The following URGCP variants were observed in gnomAD, a reference collection of about 807,000 sequenced individuals.
The protein encoded by URGCP is up-regulator of cell proliferation.
URGCP carries 13 observed loss-of-function variants against 24.6 expected under a neutral mutation model. The observed-to-expected ratio is 0.53, with a 90% CI of 0.34 to 0.84. The LOEUF (loss-of-function observed/expected upper bound fraction) is 0.84, where lower values mean the gene tolerates loss of function less well. Ranked by LOEUF, URGCP falls within the 40% of genes least tolerant of loss-of-function variation. The pLI is 0.01. For missense variants in URGCP, 899 were observed against 1,194.3 expected, an observed-to-expected ratio of 0.75 and a Z score of 3.64; for synonymous variants, 444 against 487.2, an observed-to-expected ratio of 0.91 and a Z score of 1.17.
chr7:43,877,311 C>T lies in URGCP; in HGVS notation c.2152G>A (p.Ala718Thr). ...CGAGGACCGCAGCTCTTCCCTGTGG[C>T]AAACCGCAGCCCAAACATGGTGTTG... ...LLNTMFGLRF[A>T]TGKSCGPRGA... Residue 718 changes from alanine (A) to threonine (T), a missense_variant, in exon 6 of 6, where the codon GCC (alanine) becomes ACC (threonine). Ala to Thr is a moderately conservative substitution (Grantham distance 58). Coordinates refer to ENST00000453200, the MANE Select transcript of URGCP (RefSeq NM_001077663.3). The T allele has an allele frequency of 6.2e-7, 1 of 1,613,144 alleles. No individual in the cohort carries two copies. The highest frequency in any genetic ancestry group is 8.5e-7 in the Non-Finnish European group (1 of 1,180,038).
In URGCP at chr7:43,925,997, T is replaced by C. The variant is rs375948471; in HGVS notation, c.-116+135A>G. The C allele has an allele frequency of 3.3e-5, 5 of 152,030 alleles. No individual in the cohort carries two copies. In the South Asian group the frequency reaches 1.0e-3, roughly 31 times the overall value. 9.4% of individuals were successfully genotyped at this position (152,030 alleles called of 1,614,324 possible). A position where few individuals can be genotyped will look rare whatever the true frequency, so the allele number is the denominator to read the frequency against. ...GGTTCTCAATGTTGGCAGTGCAAGA[T>C]CACGTGAGGTACGACTGAACACGGA... On this transcript the variant is annotated intron_variant, in intron 1 of 5. Coordinates refer to the URGCP transcript ENST00000426198.
At chr7:43,883,364 T>A (rs60611957) in intron 3 of URGCP, among the ~76,000 whole-genome samples, 11,843 of 87,668 alleles carry the variant, frequency 0.14, 411 homozygotes, top group South Asian at 0.22. Context: ...ATATATATAT[T>A]TTTTTTTTTT....
intron 2 of URGCP, 86 bp downstream of exon 2, chr7:43,887,704 A>G: frequency 6.6e-7 from 1 of 1,521,928 alleles, no homozygotes; most frequent in Non-Finnish European, 8.8e-7. Flanking sequence ...CAGTTGAGAA[A>G]CACTGGTCTA....
exon 1 of URGCP, chr7:43,926,385 G>A (rs899022232): frequency 6.2e-5 from 34 of 547,708 alleles, no homozygotes; most frequent in Non-Finnish European, 8.7e-5. Context: ...CAGGACGCTC[G>A]GCACGCGGCG....
At chr7:43,881,153 T>C in intron 5 of URGCP, 1 of 700,236 alleles carries the variant, frequency 1.4e-6, no homozygotes, top group Non-Finnish European at 2.6e-6. Context: ...AGACATGGAA[T>C]AACTTTTTAT....
Position 43,877,833 on chromosome 7 carries a change from G to C in URGCP, c.1630C>G (p.Pro544Ala). 6.2e-7 allele frequency: 1 copy of C among 1,610,222 alleles called. No homozygotes were observed. The highest frequency in any genetic ancestry group is 8.5e-7 in the Non-Finnish European group (1 of 1,178,070). ...ATGAACTCCTGCACCCCCGAGGAGG[G>C]ATCATGGCCGTTCTGCTGCATTCGA... The part of the protein sequence containing the change: ...ELRMQQNGHD[P>A]SSGVQEFISG... Residue 544 changes from proline to alanine, a missense_variant, in exon 6 of 6, where the codon CCC (proline) becomes GCC (alanine). Coordinates refer to ENST00000453200, the MANE Select transcript of URGCP (RefSeq NM_001077663.3).
intron 5 of URGCP, among the ~76,000 whole-genome samples, 181 bp downstream of exon 5, chr7:43,881,474 GTTTT>G (rs751531869): frequency 2.3e-4 from 29 of 127,306 alleles, no homozygotes; most frequent in African/African-American, 8.6e-4. Context: ...GCTTCCCAGG[GTTTT>G]TTTTTTTTTT....
upstream of URGCP, among the ~76,000 whole-genome samples, chr7:43,911,153 C>T (rs1298183273): frequency 2.0e-5 from 3 of 152,178 alleles, no homozygotes; most frequent in African/African-American, 4.8e-5. Context: ...GTAATCCCAG[C>T]ACTTTGTGAA....
chr7:43,926,513 G>A (rs2132740835), upstream of URGCP: 2 of 1,524,650 alleles, frequency 1.3e-6, no homozygotes, highest in East Asian at 2.7e-5. Flanking sequence ...GGCCGCCCGG[G>A]TCCCCGGCAG....
chr7:43,921,325 CA>C (rs199924024), intron 1 of URGCP, among the ~76,000 whole-genome samples: 42,642 of 130,572 alleles, frequency 0.33, 6,539 homozygotes, highest in South Asian at 0.51. Flanking sequence ...GACTCCGTCT[CA>C]AAAAAAAAAA....
intron 1 of URGCP, chr7:43,919,934 C>T (rs2095920265): frequency 1.5e-6 from 2 of 1,328,684 alleles, no homozygotes. Flanking sequence ...GCAAGGAGGA[C>T]ATGTTCAAGG....
chr7:43,892,200 G>C (rs908288949), intron 1 of URGCP, among the ~76,000 whole-genome samples: 2 of 151,350 alleles, frequency 1.3e-5, no homozygotes. Context: ...ATACAGGTGT[G>C]AGCCACTGCG....
chr7:43,926,702 G>C, upstream of URGCP: 2 of 888,066 alleles, frequency 2.3e-6, no homozygotes, highest in Non-Finnish European at 3.2e-6. Context: ...AGCCTCCCGC[G>C]CAGCCTGAAA....
intron 1 of URGCP, chr7:43,888,959 A>G: frequency 6.6e-6 from 1 of 152,208 alleles, no homozygotes; most frequent in African/African-American, 2.4e-5. Flanking sequence ...TTATTTCAGA[A>G]AGTAAGGAAA....
chr7:43,924,782 GT>G (rs560934878), intron 1 of URGCP, among the ~76,000 whole-genome samples: 259 of 152,138 alleles, frequency 1.7e-3, no homozygotes, highest in African/African-American at 5.9e-3. Flanking sequence ...TTGAGTTTTT[GT>G]TTTTTTGAGA....
At chr7:43,887,312 G>A (rs565542692) in intron 3 of URGCP, 103 bp downstream of exon 3, 3 of 1,357,464 alleles carry the variant, frequency 2.2e-6, no homozygotes, top group African/African-American at 1.5e-5. Context: ...TTTTTGAGAT[G>A]CACAATCCCA....
At chr7:43,919,223 C>G (rs975841281) in intron 1 of URGCP, 1 of 866,670 alleles carries the variant, frequency 1.2e-6, no homozygotes. Flanking sequence ...CCAACCAGGA[C>G]AAGATGAGCA....
Position 43,881,939 on chromosome 7 carries a change from A to G in URGCP, c.131T>C (p.Met44Thr). Residue 44 changes from methionine to threonine, a missense_variant, in exon 4 of 6, where the codon ATG becomes ACG. Physicochemically the swap from Met to Thr is moderately conservative, Grantham distance 81 (BLOSUM62 -1). Coordinates refer to ENST00000453200, the MANE Select transcript of URGCP (RefSeq NM_001077663.3). ...ACGGAACTCGCAATCATCTCCTTCCATTTCTCTCCATTCCAAATCTAGAAG... is the reference window on the plus strand; with the variant it reads ...ACGGAACTCGCAATCATCTCCTTCCGTTTCTCTCCATTCCAAATCTAGAAG... ...VAIADLEWRE[M>T]EGDDCEFRYG... 3 of 1,614,076 alleles carry G rather than the reference A, an allele frequency of 1.9e-6. No homozygotes were observed. The highest frequency in any genetic ancestry group is 2.2e-5 in the South Asian group (2 of 91,082).
intron 1 of URGCP, among the ~76,000 whole-genome samples, chr7:43,902,053 G>C (rs2095891728): frequency 6.6e-6 from 1 of 151,716 alleles, no homozygotes; most frequent in South Asian, 2.1e-4. Flanking sequence ...GGGGAGGAGA[G>C]AGGAGCAGGC....
Sources: gnomAD v4.1 joint callset for allele counts (sites outside exome capture counted in the v4.1 genomes callset) on GRCh38, gnomAD v4.1.1 for gene constraint, MANE v1.5 for transcripts, NCBI Gene and HGNC (gene_info 2026-07-23, HGNC 2026-07-21) for gene names.